The following CCSER1 variants were observed in gnomAD, a reference collection of about 807,000 sequenced individuals.
CCSER1 encodes the protein serine-rich coiled-coil domain-containing protein 1.
In CCSER1, 41 loss-of-function variants were observed where a neutral mutation model predicts 82.0. The observed-to-expected ratio is 0.50, with a 90% CI of 0.39 to 0.65. The LOEUF (loss-of-function observed/expected upper bound fraction) is 0.65, where lower values mean the gene tolerates loss of function less well. Among genes scored for constraint, CCSER1 ranks in the 30% least tolerant of loss-of-function variants. The pLI, the probability that CCSER1 is intolerant of heterozygous loss-of-function variation, is 0.00. For synonymous variants in CCSER1, 414 were observed against 383.9 expected (o/e 1.08, Z -0.92); for missense variants, 1,119 against 1,064.2 (o/e 1.05, Z -0.72).
intron 10 of CCSER1, among the ~76,000 whole-genome samples, chr4:91,459,464 A>C (rs1285488990): frequency 6.6e-6 from 1 of 152,130 alleles, no homozygotes; most frequent in Non-Finnish European, 1.5e-5. Context: ...GAGGAAAGTA[A>C]TTTCAGGTAT....
chr4:90,554,664 A>G, intron 5 of CCSER1, among the ~76,000 whole-genome samples: 1 of 152,224 alleles, frequency 6.6e-6, no homozygotes, highest in East Asian at 1.9e-4. Flanking sequence ...ATAACGGAGA[A>G]TATCCAAATT....
At chr4:91,047,164 A>C (rs570232292) in intron 9 of CCSER1, among the ~76,000 whole-genome samples, 3 of 151,674 alleles carry the variant, frequency 2.0e-5, no homozygotes, top group African/African-American at 7.3e-5. Flanking sequence ...ACCATTAAGA[A>C]GTGAGAGTTG....
At chr4:91,187,697 G>A (rs757660107) in intron 10 of CCSER1, among the ~76,000 whole-genome samples, 13 of 152,058 alleles carry the variant, frequency 8.5e-5, no homozygotes, top group Non-Finnish European at 1.6e-4. Context: ...TGTTACAAGC[G>A]TGCTGCTACC....
intron 10 of CCSER1, among the ~76,000 whole-genome samples, chr4:91,381,661 G>A (rs913840192): frequency 1.3e-5 from 2 of 152,056 alleles, no homozygotes; most frequent in Admixed American, 1.3e-4. Context: ...TTTTTTCAAG[G>A]TTTTTAGCTT....
At chr4:90,931,211 CAA>C (rs1288034834) in intron 9 of CCSER1, among the ~76,000 whole-genome samples, 1 of 150,824 alleles carries the variant, frequency 6.6e-6, no homozygotes, top group Non-Finnish European at 1.5e-5. Flanking sequence ...GACATAGGTA[CAA>C]AAAGTTTGCT....
intron 5 of CCSER1, among the ~76,000 whole-genome samples, chr4:90,496,580 A>G (rs1578805805): frequency 6.6e-6 from 1 of 152,332 alleles, no homozygotes; most frequent in East Asian, 1.9e-4. Flanking sequence ...GAATGAATGT[A>G]TTGTTTATTT....
chr4:90,722,387 A>G (rs1580148777), intron 6 of CCSER1, among the ~76,000 whole-genome samples: 1 of 151,842 alleles, frequency 6.6e-6, no homozygotes, highest in African/African-American at 2.4e-5. Flanking sequence ...GTTTTTCAGC[A>G]TAAAGCTTCA....
intron 10 of CCSER1, among the ~76,000 whole-genome samples, chr4:91,104,860 A>G (rs1176456333): frequency 1.3e-5 from 2 of 152,136 alleles, no homozygotes; most frequent in African/African-American, 4.8e-5. Flanking sequence ...AAGGGCAATA[A>G]TCAGATAGGA....
intron 10 of CCSER1, among the ~76,000 whole-genome samples, chr4:91,395,003 G>A (rs1289344277): frequency 2.0e-5 from 3 of 152,030 alleles, no homozygotes; most frequent in Non-Finnish European, 4.4e-5. Context: ...ATTAATGCAT[G>A]TAAAGTACTA....
chr4:90,439,093 A>G (rs1759481907), intron 4 of CCSER1, among the ~76,000 whole-genome samples: 1 of 152,080 alleles, frequency 6.6e-6, no homozygotes, highest in South Asian at 2.1e-4. Flanking sequence ...GGAGTTTGAG[A>G]CAGGCTTGAC....
intron 9 of CCSER1, among the ~76,000 whole-genome samples, chr4:91,032,651 C>T (rs1483111077): frequency 2.6e-5 from 4 of 152,136 alleles, no homozygotes; most frequent in Admixed American, 1.3e-4. Context: ...GATTTGATTG[C>T]AGGAAATAGG....
intron 1 of CCSER1, among the ~76,000 whole-genome samples, chr4:90,232,489 C>T (rs1417738415): frequency 1.3e-5 from 2 of 152,022 alleles, no homozygotes; most frequent in Non-Finnish European, 1.5e-5. Flanking sequence ...GGATTAAAGA[C>T]TTAAATGTTA....
At chr4:90,665,471 G>T (rs889566127) in intron 6 of CCSER1, among the ~76,000 whole-genome samples, 11 of 151,892 alleles carry the variant, frequency 7.2e-5, no homozygotes, top group African/African-American at 2.7e-4. Context: ...ACAGGCACCC[G>T]CCACCTCGCC....
intron 1 of CCSER1, among the ~76,000 whole-genome samples, chr4:90,128,046 C>T (rs1459044167): frequency 6.6e-6 from 1 of 151,942 alleles, no homozygotes. Context: ...GGCTCGCTCA[C>T]CACCGGCCCG....
chr4:91,182,559 G>C (rs775571824), intron 10 of CCSER1, among the ~76,000 whole-genome samples: 1 of 152,092 alleles, frequency 6.6e-6, no homozygotes, highest in African/African-American at 2.4e-5. Context: ...TTTCCTCTGT[G>C]GCTTGTCCTT....
chr4:90,862,757 A>G (rs1171831155), intron 8 of CCSER1, among the ~76,000 whole-genome samples: 1 of 151,896 alleles, frequency 6.6e-6, no homozygotes, highest in Non-Finnish European at 1.5e-5. Flanking sequence ...ACTACTACTC[A>G]GCATATTATG....
At chr4:90,760,648 A>G (rs991518754) in intron 7 of CCSER1, among the ~76,000 whole-genome samples, 9 of 152,142 alleles carry the variant, frequency 5.9e-5, no homozygotes, top group African/African-American at 1.9e-4. Flanking sequence ...GAAATGTTCT[A>G]TATCATTAAG....
intron 7 of CCSER1, among the ~76,000 whole-genome samples, chr4:90,801,048 T>TTAG (rs1377946448): frequency 6.6e-6 from 1 of 152,094 alleles, no homozygotes; most frequent in Admixed American, 6.5e-5. Flanking sequence ...TTTTTTATTG[T>TTAG]TAGTTCAAAA....
chr4:91,536,377 T>C (rs750011999), intron 10 of CCSER1, among the ~76,000 whole-genome samples: 26 of 151,810 alleles, frequency 1.7e-4, no homozygotes, highest in African/African-American at 5.1e-4. Context: ...CAGTACATGA[T>C]AGAGAGAGAG....
Sources: gnomAD v4.1 joint callset for allele counts (sites outside exome capture counted in the v4.1 genomes callset) on GRCh38, gnomAD v4.1.1 for gene constraint, MANE v1.5 for transcripts, NCBI Gene and HGNC (gene_info 2026-07-23, HGNC 2026-07-21) for gene names.